Variants in EEF1E1 observed in about 807,000 individuals in gnomAD.
The protein encoded by EEF1E1 is eukaryotic translation elongation factor 1 epsilon-1.
A neutral mutation model predicts 19.9 loss-of-function variants in EEF1E1; 19 were observed. The ratio of observed to expected loss-of-function variants is 0.95; its 90% CI spans 0.66 to 1.40. The LOEUF is 1.40. EEF1E1 is among the 40% of genes most tolerant of loss of function. The pLI, the probability that EEF1E1 is intolerant of heterozygous loss-of-function variation, is 0.00. For synonymous variants in EEF1E1, 81 were observed against 80.0 expected (o/e 1.01, Z -0.07); for missense variants, 198 against 202.2 (o/e 0.98, Z 0.13).
At chr6:8,093,152 G>A (rs577093661) in intron 2 of EEF1E1, among the ~76,000 whole-genome samples, 25 of 152,110 alleles carry the variant, frequency 1.6e-4, no homozygotes, top group African/African-American at 5.5e-4. Flanking sequence ...GATTACAGGC[G>A]TGAGCCACCG....
chr6:8,087,874 AC>A (rs1757905479), intron 3 of EEF1E1, among the ~76,000 whole-genome samples: 1 of 152,224 alleles, frequency 6.6e-6, no homozygotes, highest in African/African-American at 2.4e-5. Flanking sequence ...TGCACAATGC[AC>A]AAAAACACAT....
Position 8,092,868 on chromosome 6 carries a change from G to GTTGTTT in EEF1E1, c.289-2588_289-2587insAAACAA, listed in dbSNP as rs1554099258. 6.2e-4 allele frequency among the ~76,000 whole-genome samples: 67 copies of GTTGTTT among 108,194 alleles called. 1 individual carries two copies. Among genetic ancestry groups the GTTGTTT allele is most frequent in the Middle Eastern group, 5.7e-3 (1 of 174 alleles). 71.0% of individuals were successfully genotyped at this position (108,194 alleles called of 152,430 possible). A position where few individuals can be genotyped will look rare whatever the true frequency, so the allele number is the denominator to read the frequency against. On this transcript the variant is annotated intron_variant, in intron 2 of 3. Transcript: ENST00000379715. The stretch of plus-strand genomic sequence containing the variant: ...GTTTTGTGTTTTAGTGATAAAGACT[G>GTTGTTT]CTTTTTTTTTTTTTTTTTTTTTTTG...
At chr6:8,087,629 AG>A (rs1757897623) in intron 3 of EEF1E1, among the ~76,000 whole-genome samples, 2 of 152,256 alleles carry the variant, frequency 1.3e-5, no homozygotes. Context: ...CTGGGATTAC[AG>A]GGGTGAGCTA....
chr6:8,088,580 G>A (rs950591225), intron 3 of EEF1E1, among the ~76,000 whole-genome samples: 2 of 152,168 alleles, frequency 1.3e-5, no homozygotes, highest in Non-Finnish European at 1.5e-5. Flanking sequence ...GACTTGCTCC[G>A]ACTTGCTCCT....
chr6:8,073,465 T>G, exon 4 of EEF1E1: 1 of 1,551,488 alleles, frequency 6.4e-7, no homozygotes, highest in Non-Finnish European at 8.7e-7. Context: ...GTTCCTTGTA[T>G]GATGTTGGGT....
chr6:8,096,320 C>T (rs1758173578), intron 2 of EEF1E1, among the ~76,000 whole-genome samples: 1 of 152,118 alleles, frequency 6.6e-6, no homozygotes, highest in Non-Finnish European at 1.5e-5. Flanking sequence ...GACTGCTTCC[C>T]CCTGGAAATG....
chr6:8,087,457 A>T (rs1757891918), intron 3 of EEF1E1, among the ~76,000 whole-genome samples: 1 of 152,178 alleles, frequency 6.6e-6, no homozygotes, highest in South Asian at 2.1e-4. Flanking sequence ...ACCTCAGGTG[A>T]TCCACCTGCC....
At chr6:8,080,748 G>A (rs891096915) in intron 3 of EEF1E1, among the ~76,000 whole-genome samples, 8 of 152,178 alleles carry the variant, frequency 5.3e-5, no homozygotes, top group African/African-American at 1.9e-4. Flanking sequence ...AACCAGTAGG[G>A]CAGTAACTTG....
intron 1 of EEF1E1, among the ~76,000 whole-genome samples, chr6:8,099,485 G>A (rs1052163154): frequency 9.9e-5 from 15 of 152,220 alleles, no homozygotes; most frequent in South Asian, 2.1e-4. Flanking sequence ...AGTGGCTCAC[G>A]CCTGTAATCC....
intron 3 of EEF1E1, among the ~76,000 whole-genome samples, chr6:8,081,739 AAATG>A (rs1757728412): frequency 6.6e-6 from 1 of 152,362 alleles, no homozygotes; most frequent in East Asian, 1.9e-4. Flanking sequence ...AAAAATGAAT[AAATG>A]AATGAATAAA....
At chr6:8,090,311 A>C in intron 2 of EEF1E1, 30 bp from the exon 3 acceptor site, 1 of 1,396,692 alleles carries the variant, frequency 7.2e-7, no homozygotes, top group Non-Finnish European at 9.4e-7. Flanking sequence ...AATAAATATT[A>C]ATGTAAAAAA....
Position 8,079,622 on chromosome 6 carries a change from AT to A in EEF1E1, c.*267del, listed in dbSNP as rs1279044534. On this transcript the variant is annotated 3_prime_UTR_variant, in exon 4 of 4. Coordinates refer to ENST00000379715, the MANE Select transcript of EEF1E1 (RefSeq NM_004280.5). Reference sequence around the variant, plus strand: ...AGATTAAGCCCGATTTGCAACTTTTATTGAAATAAATGTCATCTACTAAAAA... The same window carrying A: ...AGATTAAGCCCGATTTGCAACTTTTATGAAATAAATGTCATCTACTAAAAA... 2.7e-6 allele frequency: 3 copies of A among 1,108,452 alleles called. No homozygotes were observed. Among genetic ancestry groups the A allele is most frequent in the African/African-American group, 3.2e-5 (2 of 62,024 alleles). The allele number at this position is 1,108,452 out of a possible 1,614,324, so 68.7% of individuals were successfully genotyped here.
chr6:8,102,493 A>G lies in EEF1E1; in HGVS notation c.29T>C (p.Leu10Pro). The G allele has an allele frequency of 6.2e-7, 1 of 1,612,082 alleles. No individual in the cohort carries two copies. The highest frequency in any genetic ancestry group is 8.5e-7 in the Non-Finnish European group (1 of 1,179,958). The change falls in exon 1 of 4, where the codon CTG becomes CCG. Residue 10 changes from leucine (L) to proline (P), a missense_variant. Transcript: ENST00000379715. MAAAAELSL[L>P]EKSLGLSKGN... ...CTTACTCAGTCCCAGGGACTTCTCC[A>G]GTAGCGACAACTCTGCGGCCGCCGC...
chr6:8,088,940 T>C (rs1310373271), intron 3 of EEF1E1, among the ~76,000 whole-genome samples: 15 of 141,818 alleles, frequency 1.1e-4, no homozygotes, highest in African/African-American at 3.2e-4. Flanking sequence ...GAAGTATCCC[T>C]GGGAGAAAAA....
chr6:8,100,906 C>T (rs1400042184), intron 1 of EEF1E1, among the ~76,000 whole-genome samples: 1 of 147,058 alleles, frequency 6.8e-6, no homozygotes, highest in Non-Finnish European at 1.5e-5. Context: ...CTAGATAATA[C>T]TCATATCTTG....
chr6:8,079,547 G>T lies in EEF1E1; in HGVS notation c.*343C>A. Reference sequence around the variant, plus strand: ...AATGAATTTTAGAATATGAAAGAGAGGTTAATAAATAGCCAAATATGTCAA... The same window carrying T: ...AATGAATTTTAGAATATGAAAGAGATGTTAATAAATAGCCAAATATGTCAA... On this transcript the variant is annotated 3_prime_UTR_variant, in exon 4 of 4. Transcript: ENST00000379715. The T allele has an allele frequency of 9.9e-7, 1 of 1,013,364 alleles. No individual in the cohort carries two copies. The highest frequency in any genetic ancestry group is 1.7e-5 in the African/African-American group (1 of 58,366). The allele number at this position is 1,013,364 out of a possible 1,614,324, so 62.8% of individuals were successfully genotyped here.
At chr6:8,087,349 C>G (rs945510880) in intron 3 of EEF1E1, among the ~76,000 whole-genome samples, 1 of 152,232 alleles carries the variant, frequency 6.6e-6, no homozygotes, top group Non-Finnish European at 1.5e-5. Flanking sequence ...TCTGGAGTAG[C>G]TGGGATTTCA....
chr6:8,089,715 T>TGACG (rs1473249045), intron 3 of EEF1E1, among the ~76,000 whole-genome samples: 1 of 152,124 alleles, frequency 6.6e-6, no homozygotes, highest in Non-Finnish European at 1.5e-5. Flanking sequence ...ACAATCAAGT[T>TGACG]GACGCTCAGT....
intron 3 of EEF1E1, among the ~76,000 whole-genome samples, chr6:8,088,945 GAA>G (rs75744698): frequency 3.4e-5 from 5 of 145,234 alleles, no homozygotes; most frequent in South Asian, 2.2e-4. Flanking sequence ...ATCCCTGGGA[GAA>G]AAAAAAAAAA....
Sources: gnomAD v4.1 joint callset for allele counts (sites outside exome capture counted in the v4.1 genomes callset) on GRCh38, gnomAD v4.1.1 for gene constraint, MANE v1.5 for transcripts, NCBI Gene and HGNC (gene_info 2026-07-23, HGNC 2026-07-21) for gene names.